GRAMD1B: variants seen among roughly 807,000 people sequenced by gnomAD.
GRAMD1B encodes the protein GRAM domain containing 1B, also known as protein Aster-B.
GRAMD1B carries 37 observed loss-of-function variants against 99.7 expected under a neutral mutation model. The ratio of observed to expected loss-of-function variants is 0.37; its 90% CI spans 0.29 to 0.49. The LOEUF (loss-of-function observed/expected upper bound fraction) is 0.49, where lower values mean the gene tolerates loss of function less well. Among genes scored for constraint, GRAMD1B ranks in the 20% least tolerant of loss-of-function variants. The probability of loss-of-function intolerance (pLI) is 0.98; values close to 1 mark genes in which losing one functional copy is unlikely to be tolerated. For synonymous variants in GRAMD1B, 427 were observed against 387.6 expected, an observed-to-expected ratio of 1.10 and a Z score of -1.19; for missense variants, 888 against 1,009.2, an observed-to-expected ratio of 0.88 and a Z score of 1.63.
chr11:123,530,695 G>A (rs1013846530), intron 2 of GRAMD1B, among the ~76,000 whole-genome samples: 5 of 152,188 alleles, frequency 3.3e-5, no homozygotes, highest in Admixed American at 3.3e-4. Context: ...GATTCTTTCT[G>A]TAAGAGGTCT....
At chr11:123,457,123 A>AAGAAAGAAAGAAAGAAAGAAAGAG (rs1950182822) in intron 1 of GRAMD1B, among the ~76,000 whole-genome samples, 1 of 150,048 alleles carries the variant, frequency 6.7e-6, no homozygotes. Context: ...GAAAAAAAGA[A>AAGAAAGAAAGAAAGAAAGAAAGAG]AGAAAGAAAG....
chr11:123,561,036 T>A (rs886826895), intron 2 of GRAMD1B, among the ~76,000 whole-genome samples: 1 of 152,132 alleles, frequency 6.6e-6, no homozygotes, highest in Non-Finnish European at 1.5e-5. Flanking sequence ...GTAGCACTGC[T>A]TGAGCTGAGC....
chr11:123,567,381 G>A (rs1947509001), intron 2 of GRAMD1B, among the ~76,000 whole-genome samples: 1 of 152,162 alleles, frequency 6.6e-6, no homozygotes, highest in Admixed American at 6.5e-5. Flanking sequence ...GAGCCCTTTG[G>A]GTAAAGTGAT....
In GRAMD1B at chr11:123,492,894, A is replaced by ACACACACACACG. The variant is rs1491351866; in HGVS notation, c.452+12002_452+12003insACACACACACGC. Among the ~76,000 whole-genome samples, 1 of 151,092 alleles carries ACACACACACACG rather than the reference A, an allele frequency of 6.6e-6. No individual in the cohort carries two copies. The highest frequency in any genetic ancestry group is 1.9e-4 in the East Asian group (1 of 5,186). The stretch of plus-strand genomic sequence containing the variant: ...CACACACACACACACACACACACAC[A>ACACACACACACG]CGCATAGGCATAGATGCCTGTGATT... On this transcript the variant is annotated intron_variant, in intron 2 of 19. Coordinates refer to ENST00000635736, the MANE Select transcript of GRAMD1B (RefSeq NM_001387025.1). The surrounding 1 kb of genome is among the most constrained non-coding windows in gnomAD (Gnocchi z 4.2).
intron 8 of GRAMD1B, among the ~76,000 whole-genome samples, chr11:123,602,257 T>A (rs1952073462): frequency 6.6e-6 from 1 of 152,198 alleles, no homozygotes; most frequent in South Asian, 2.1e-4. Flanking sequence ...GCCAGCTGCC[T>A]GCTTCTTAAA....
intron 1 of GRAMD1B, among the ~76,000 whole-genome samples, chr11:123,440,340 G>A (rs750044192): frequency 2.0e-5 from 3 of 152,000 alleles, no homozygotes; most frequent in East Asian, 1.9e-4. Flanking sequence ...GTGAAACCCC[G>A]TCTCTACTAA....
At chr11:123,551,847 C>T (rs1945645544) in intron 2 of GRAMD1B, among the ~76,000 whole-genome samples, 2 of 152,134 alleles carry the variant, frequency 1.3e-5, no homozygotes, top group African/African-American at 2.4e-5. Flanking sequence ...CTGAGTTCTG[C>T]CTGTGAGCAG....
chr11:123,570,610 G>A (rs1255510810), intron 2 of GRAMD1B, among the ~76,000 whole-genome samples: 1 of 151,856 alleles, frequency 6.6e-6, no homozygotes, highest in African/African-American at 2.4e-5. Context: ...TTTCAGTAGA[G>A]ATGGTGTTTC....
At chr11:123,570,943 C>G (rs910257952) in intron 2 of GRAMD1B, among the ~76,000 whole-genome samples, 1 of 152,176 alleles carries the variant, frequency 6.6e-6, no homozygotes, top group African/African-American at 2.4e-5. Context: ...ACAACGAAGT[C>G]AACACTTCAT....
intron 8 of GRAMD1B, 133 bp from the exon 9 acceptor site, chr11:123,603,293 G>T (rs906845798): frequency 1.4e-5 from 9 of 633,014 alleles, no homozygotes; most frequent in Middle Eastern, 3.5e-4. Context: ...GGGGGTGGTG[G>T]CTCGCCTCTC....
intron 1 of GRAMD1B, among the ~76,000 whole-genome samples, chr11:123,452,389 T>C (rs1410732283): frequency 1.3e-5 from 2 of 152,218 alleles, no homozygotes; most frequent in Non-Finnish European, 2.9e-5. Flanking sequence ...CTTATGCCTG[T>C]AGTCCCAGCA....
intron 1 of GRAMD1B, among the ~76,000 whole-genome samples, chr11:123,464,637 A>G (rs536734670): frequency 2.4e-4 from 36 of 152,348 alleles, no homozygotes; most frequent in Non-Finnish European, 4.6e-4. Context: ...AGAATCCAGG[A>G]TCAATGAGGG....
At chr11:123,622,095 A>G (rs1384733983) in intron 19 of GRAMD1B, among the ~76,000 whole-genome samples, 1 of 151,174 alleles carries the variant, frequency 6.6e-6, no homozygotes, top group African/African-American at 2.4e-5. Context: ...GTCATAGTTC[A>G]CTGCAGTTGC....
intron 18 of GRAMD1B, 35 bp from the exon 19 acceptor site, chr11:123,619,072 C>T (rs1351818446): frequency 4.2e-6 from 5 of 1,190,908 alleles, no homozygotes; most frequent in African/African-American, 1.5e-5. Flanking sequence ...GAGCATAACT[C>T]CAGCTGCTGG....
At chr11:123,363,253 A>G (rs1450472194) in intron 1 of GRAMD1B, among the ~76,000 whole-genome samples, 1 of 152,220 alleles carries the variant, frequency 6.6e-6, no homozygotes, top group East Asian at 1.9e-4. Context: ...TATATTTTGC[A>G]GAATGGAAAT....
intron 1 of GRAMD1B, among the ~76,000 whole-genome samples, chr11:123,385,654 G>A (rs992360767): frequency 1.2e-4 from 18 of 152,172 alleles, no homozygotes; most frequent in African/African-American, 4.3e-4. Flanking sequence ...CTGCCTTGTA[G>A]TGTGGGTGAG....
At chr11:123,359,683 G>T (rs1415043953) in intron 1 of GRAMD1B, among the ~76,000 whole-genome samples, 2 of 152,128 alleles carry the variant, frequency 1.3e-5, no homozygotes, top group Non-Finnish European at 2.9e-5. Context: ...TTGAAGAGGG[G>T]TAGGGTGGGA....
intron 17 of GRAMD1B, among the ~76,000 whole-genome samples, chr11:123,616,337 A>G (rs1954382959): frequency 6.6e-6 from 1 of 152,196 alleles, no homozygotes; most frequent in African/African-American, 2.4e-5. Context: ...ATAAATAAGT[A>G]AATAAAAGTA....
chr11:123,359,079 G>T (rs1238237415), intron 1 of GRAMD1B, among the ~76,000 whole-genome samples: 3 of 152,144 alleles, frequency 2.0e-5, no homozygotes, highest in African/African-American at 7.2e-5. Context: ...AATTTCTGGA[G>T]GTGGCGGAGC....
Sources: allele counts gnomAD v4.1 joint callset (sites outside exome capture counted in the v4.1 genomes callset), GRCh38; gene constraint gnomAD v4.1.1; non-coding constraint Gnocchi (gnomAD v3.1); transcripts MANE v1.5; gene names NCBI Gene and HGNC (gene_info 2026-07-23, HGNC 2026-07-21).